Variants in SLC35F3 observed in about 807,000 individuals in gnomAD.
The protein encoded by SLC35F3 is putative thiamine transporter SLC35F3.
Under a neutral mutation model 49.9 loss-of-function variants are expected in SLC35F3, and 25 were observed. The observed-to-expected ratio is 0.50, with a 90% confidence interval of 0.37 to 0.70. SLC35F3 has a LOEUF of 0.70. Among genes scored for constraint, SLC35F3 ranks in the 30% least tolerant of loss-of-function variants. The probability of loss-of-function intolerance (pLI) is 0.00; values close to 1 mark genes in which losing one functional copy is unlikely to be tolerated. For missense variants in SLC35F3, 525 were observed against 639.8 expected (o/e 0.82, Z 1.94); for synonymous variants, 275 against 265.4 (o/e 1.04, Z -0.35).
At position 234,231,049 on chromosome 1, in the gene SLC35F3, G is replaced by A. The variant is rs1182114165; in HGVS notation, c.284-368G>A. 6.6e-6 allele frequency among the ~76,000 whole-genome samples: 1 copy of A among 152,194 alleles called. No individual in the cohort carries two copies. Among genetic ancestry groups the A allele is most frequent in the Non-Finnish European group, 1.5e-5 (1 of 68,020 alleles). ...TGGAGATATTTCAGCTGCTCTGTGTGTTCTGGAGGAGTGTTTCCCAAAGCA... is the reference window on the plus strand; with the variant it reads ...TGGAGATATTTCAGCTGCTCTGTGTATTCTGGAGGAGTGTTTCCCAAAGCA... On this transcript the variant is annotated intron_variant, in intron 2 of 7. Coordinates refer to ENST00000366618, the MANE Select transcript of SLC35F3 (RefSeq NM_173508.4). The surrounding 1 kb of genome is among the most constrained non-coding windows in gnomAD (Gnocchi z 5.4).
At chr1:234,169,830 C>T (rs992501013) in intron 2 of SLC35F3, among the ~76,000 whole-genome samples, 3 of 152,020 alleles carry the variant, frequency 2.0e-5, no homozygotes, top group African/African-American at 2.4e-5. Context: ...TGCAGTAGTG[C>T]GATCTCAGCT....
rs569605652 is a variant in SLC35F3, at chr1:234,140,399, T to C, written c.284-91018T>C. On this transcript the variant is annotated intron_variant, in intron 2 of 7. Coordinates refer to ENST00000366618, the MANE Select transcript of SLC35F3 (RefSeq NM_173508.4). The stretch of plus-strand genomic sequence containing the variant: ...TATTATATTTGTTCTATTTTACTAT[T>C]AGTTCTTGTTAATCTCTCTCTGTGC... Among the ~76,000 whole-genome samples, 7 of 152,368 alleles carry C rather than the reference T, an allele frequency of 4.6e-5. No individual in the cohort carries two copies. The South Asian group carries it at 1.5e-3, about 32-fold the overall frequency.
At chr1:234,173,493 A>G (rs1016193282) in intron 2 of SLC35F3, among the ~76,000 whole-genome samples, 1 of 152,106 alleles carries the variant, frequency 6.6e-6, no homozygotes, top group Non-Finnish European at 1.5e-5. Flanking sequence ...ATGCATTTCT[A>G]CTTCCTGCAA....
chr1:234,187,154 G>C (rs999411242), intron 2 of SLC35F3, among the ~76,000 whole-genome samples: 2 of 152,140 alleles, frequency 1.3e-5, no homozygotes, highest in Non-Finnish European at 2.9e-5. Context: ...CCTCTTTAGG[G>C]ATACCAGCTG....
At chr1:234,202,884 A>C (rs1220586372) in intron 2 of SLC35F3, among the ~76,000 whole-genome samples, 1 of 152,268 alleles carries the variant, frequency 6.6e-6, no homozygotes, top group Non-Finnish European at 1.5e-5. Flanking sequence ...AGCATCCTAA[A>C]GAAGCAGCAG....
At chr1:234,048,552 C>T (rs1196838286) in intron 2 of SLC35F3, among the ~76,000 whole-genome samples, 4 of 152,210 alleles carry the variant, frequency 2.6e-5, no homozygotes, top group African/African-American at 9.7e-5. Flanking sequence ...CCACTTCCAC[C>T]ATGGGATCAT....
At chr1:233,934,983 A>G (rs1348433655) in intron 2 of SLC35F3, among the ~76,000 whole-genome samples, 2 of 151,452 alleles carry the variant, frequency 1.3e-5, no homozygotes, top group African/African-American at 4.8e-5. Flanking sequence ...TGTAATTTTA[A>G]TATCCCTTTG....
At chr1:233,905,817 A>G in intron 2 of SLC35F3, 59 bp downstream of exon 2, 1 of 1,488,838 alleles carries the variant, frequency 6.7e-7, no homozygotes, top group Non-Finnish European at 9.2e-7. Context: ...CCATTGTCAC[A>G]GCAGCCTCGG....
chr1:234,254,493 G>T (rs1303826677), intron 3 of SLC35F3, among the ~76,000 whole-genome samples: 3 of 152,158 alleles, frequency 2.0e-5, no homozygotes, highest in Non-Finnish European at 4.4e-5. Context: ...GGACAATGAA[G>T]CACAAACGTT....
intron 2 of SLC35F3, among the ~76,000 whole-genome samples, chr1:234,130,865 G>A (rs988927029): frequency 2.0e-5 from 3 of 152,042 alleles, no homozygotes; most frequent in African/African-American, 7.2e-5. Context: ...GCCAAAAATA[G>A]GTACAAAATG....
Position 234,094,398 on chromosome 1 carries a change from C to G in SLC35F3, c.284-137019C>G, listed in dbSNP as rs562999568. Reference sequence around the variant, plus strand: ...TTATCTTAAGTTCAGCTTCAGATAGCAAGAGCACTATATGCTCATGGCAAT... The same window carrying G: ...TTATCTTAAGTTCAGCTTCAGATAGGAAGAGCACTATATGCTCATGGCAAT... On this transcript the variant is annotated intron_variant, in intron 2 of 7. Transcript: ENST00000366618. Among the ~76,000 whole-genome samples, 8 of 152,336 alleles carry G rather than the reference C, an allele frequency of 5.3e-5. No individual in the cohort carries two copies. In the South Asian group the frequency reaches 1.7e-3, roughly 32 times the overall value.
intron 2 of SLC35F3, among the ~76,000 whole-genome samples, chr1:234,215,569 C>T (rs1487759221): frequency 6.6e-6 from 1 of 152,194 alleles, no homozygotes; most frequent in Non-Finnish European, 1.5e-5. Context: ...TGAGCATCAG[C>T]GGTGAATGAG....
At chr1:234,097,052 G>T (rs892458111) in intron 2 of SLC35F3, among the ~76,000 whole-genome samples, 3 of 151,954 alleles carry the variant, frequency 2.0e-5, no homozygotes, top group African/African-American at 4.8e-5. Context: ...ACCAGGCATG[G>T]CTAATTTTGC....
chr1:233,977,870 C>T (rs550878516), intron 2 of SLC35F3, among the ~76,000 whole-genome samples: 4 of 152,222 alleles, frequency 2.6e-5, no homozygotes, highest in Admixed American at 6.5e-5. Context: ...CGTTTGGACT[C>T]GGTGAGTGGA....
intron 2 of SLC35F3, among the ~76,000 whole-genome samples, chr1:234,001,532 C>T (rs1371843626): frequency 6.6e-6 from 1 of 152,084 alleles, no homozygotes; most frequent in Non-Finnish European, 1.5e-5. Flanking sequence ...CTAAGTATTC[C>T]CTCTGGATTC....
At chr1:234,242,725 A>T (rs1476526035) in intron 3 of SLC35F3, among the ~76,000 whole-genome samples, 3 of 152,238 alleles carry the variant, frequency 2.0e-5, no homozygotes, top group African/African-American at 7.2e-5. Flanking sequence ...TCAGGAGTGC[A>T]TCAGAAGCAT....
intron 2 of SLC35F3, among the ~76,000 whole-genome samples, chr1:234,000,517 G>A (rs920872159): frequency 6.6e-6 from 1 of 152,134 alleles, no homozygotes; most frequent in Non-Finnish European, 1.5e-5. Flanking sequence ...AGACATGGAG[G>A]TGCTCATCAT....
At chr1:233,958,109 A>G (rs957978714) in intron 2 of SLC35F3, among the ~76,000 whole-genome samples, 8 of 152,206 alleles carry the variant, frequency 5.3e-5, no homozygotes, top group Non-Finnish European at 1.0e-4. Context: ...GAGGCAGGAC[A>G]TGGACATAAT....
At chr1:234,006,925 T>C (rs141729054) in intron 2 of SLC35F3, among the ~76,000 whole-genome samples, 2 of 152,264 alleles carry the variant, frequency 1.3e-5, no homozygotes, top group African/African-American at 4.8e-5. Flanking sequence ...AGAACCTTTA[T>C]TCTAGACCAG....
Sources: allele counts gnomAD v4.1 joint callset (sites outside exome capture counted in the v4.1 genomes callset), GRCh38; gene constraint gnomAD v4.1.1; non-coding constraint Gnocchi (gnomAD v3.1); transcripts MANE v1.5; gene names NCBI Gene and HGNC (gene_info 2026-07-23, HGNC 2026-07-21).